Variants in RHOA observed in about 807,000 individuals in gnomAD.
RHOA encodes ras homolog family member A.
A neutral mutation model predicts 17.5 loss-of-function variants in RHOA; 3 were observed. The observed-to-expected ratio is 0.17, with a 90% CI of 0.08 to 0.44. RHOA has a LOEUF of 0.44. Among genes scored for constraint, RHOA ranks in the 20% least tolerant of loss-of-function variants. RHOA has a pLI of 0.99. For missense variants in RHOA, 56 were observed against 242.3 expected (o/e 0.23, Z 5.10); for synonymous variants, 98 against 88.4 (o/e 1.11, Z -0.61).
At chr3:49,362,210 T>C (rs910294158) in intron 4 of RHOA, among the ~76,000 whole-genome samples, 2 of 152,084 alleles carry the variant, frequency 1.3e-5, no homozygotes, top group Non-Finnish European at 1.5e-5. Context: ...TTCCTACATC[T>C]AGAGCCACTG....
chr3:49,403,436 G>A (rs543358410), intron 1 of RHOA, among the ~76,000 whole-genome samples: 24 of 152,206 alleles, frequency 1.6e-4, no homozygotes, highest in Middle Eastern at 6.8e-3. Flanking sequence ...TCAAACTGGC[G>A]GTTTGTGGTG....
intron 3 of RHOA, among the ~76,000 whole-genome samples, chr3:49,364,275 G>A (rs2048018738): frequency 6.6e-6 from 1 of 151,964 alleles, no homozygotes; most frequent in Non-Finnish European, 1.5e-5. Flanking sequence ...ACCTCAGGTC[G>A]GGAGTTGGGA....
chr3:49,359,517 T>A lies in RHOA; in HGVS notation c.*692A>T, dbSNP rs1317644287. ...AAAATGAATTTTCCATCTGACTTTATTTCCAAATACACTTTCTTTTTTAAA... is the reference window on the plus strand; with the variant it reads ...AAAATGAATTTTCCATCTGACTTTAATTCCAAATACACTTTCTTTTTTAAA... On this transcript the variant is annotated 3_prime_UTR_variant, in exon 5 of 5. Coordinates refer to ENST00000418115, the MANE Select transcript of RHOA (RefSeq NM_001664.4). 1.0e-5 allele frequency: 2 copies of A among 199,648 alleles called. No individual in the cohort carries two copies. The highest frequency in any genetic ancestry group is 2.1e-5 in the Non-Finnish European group (2 of 96,652). 12.4% of individuals were successfully genotyped at this position (199,648 alleles called of 1,614,324 possible). A position where few individuals can be genotyped will look rare whatever the true frequency, so the allele number is the denominator to read the frequency against.
In RHOA at chr3:49,369,006, CTTTTTT is replaced by C. The variant is rs1160140765; in HGVS notation, c.157-464_157-459del. Among the ~76,000 whole-genome samples the C allele has an allele frequency of 8.4e-5, 5 of 59,712 alleles. No homozygotes were observed. In the East Asian group the frequency reaches 2.9e-3, roughly 34 times the overall value. The allele number at this position is 59,712 out of a possible 152,430, so 39.2% of individuals were successfully genotyped here. On this transcript the variant is annotated intron_variant, in intron 2 of 4. Coordinates refer to ENST00000418115, the MANE Select transcript of RHOA (RefSeq NM_001664.4). ...GCAGGCGTGACCCACCGCGCCTGGC[CTTTTTT>C]TTTTTTTTTTTTTTTTTTTTTTTTT...
intron 1 of RHOA, among the ~76,000 whole-genome samples, chr3:49,408,613 C>T (rs2048879043): frequency 1.3e-5 from 2 of 152,062 alleles, no homozygotes; most frequent in South Asian, 2.1e-4. Flanking sequence ...AACTTCAAAC[C>T]GTCTTGGAAA....
At chr3:49,360,993 A>C (rs771898456) in intron 4 of RHOA, 1 of 279,214 alleles carries the variant, frequency 3.6e-6, no homozygotes, top group Non-Finnish European at 7.5e-6. Context: ...GAATCGCTTA[A>C]ATCTGGGAGG....
At position 49,359,989 on chromosome 3, in the gene RHOA, G is replaced by A. The variant is rs771941115; in HGVS notation, c.*220C>T. 5 of 474,794 alleles carry A rather than the reference G, an allele frequency of 1.1e-5. No homozygotes were observed. Among genetic ancestry groups the A allele is most frequent in the South Asian group, 3.9e-5 (1 of 25,930 alleles). 29.4% of individuals were successfully genotyped at this position (474,794 alleles called of 1,614,324 possible). ...CTGGTGTGTCAGGTGGGAGTGCAGA[G>A]GAGGGCTGTTAGAGCAGTGTCAAAA... On this transcript the variant is annotated 3_prime_UTR_variant, in exon 5 of 5. Transcript: ENST00000418115.
intron 1 of RHOA, among the ~76,000 whole-genome samples, chr3:49,385,485 G>C (rs928753863): frequency 1.3e-5 from 2 of 152,000 alleles, no homozygotes; most frequent in Non-Finnish European, 2.9e-5. Flanking sequence ...CAAAGTGCTA[G>C]GATTACAGCA....
intron 3 of RHOA, among the ~76,000 whole-genome samples, chr3:49,367,533 C>CTA (rs1273975398): frequency 6.6e-6 from 1 of 151,704 alleles, no homozygotes; most frequent in Non-Finnish European, 1.5e-5. Flanking sequence ...TGGAACTCAT[C>CTA]TAGTTTGCTC....
At chr3:49,403,541 CCT>C (rs2048762446) in intron 1 of RHOA, among the ~76,000 whole-genome samples, 1 of 151,422 alleles carries the variant, frequency 6.6e-6, no homozygotes, top group Non-Finnish European at 1.5e-5. Flanking sequence ...TAGTGAGACC[CCT>C]CTCTCTACAA....
chr3:49,397,510 G>T (rs549545260), intron 1 of RHOA, among the ~76,000 whole-genome samples: 2 of 151,930 alleles, frequency 1.3e-5, no homozygotes, highest in East Asian at 3.9e-4. Flanking sequence ...GTTGGTTTTT[G>T]TTTTTTTAAA....
intron 1 of RHOA, among the ~76,000 whole-genome samples, chr3:49,389,864 G>A (rs1364102381): frequency 1.3e-5 from 2 of 148,600 alleles, no homozygotes; most frequent in African/African-American, 5.0e-5. Flanking sequence ...ATGAACCCAG[G>A]AGGTGGAGCT....
chr3:49,375,995 C>T (rs1056400994), intron 1 of RHOA, among the ~76,000 whole-genome samples: 5 of 151,962 alleles, frequency 3.3e-5, no homozygotes, highest in South Asian at 4.1e-4. Context: ...ATTACAGGCA[C>T]GTACCACCAC....
chr3:49,379,082 A>G (rs1436516774), intron 1 of RHOA, among the ~76,000 whole-genome samples: 1 of 152,212 alleles, frequency 6.6e-6, no homozygotes, highest in East Asian at 1.9e-4. Context: ...TTGTACCTCT[A>G]CATGAATATT....
intron 3 of RHOA, among the ~76,000 whole-genome samples, chr3:49,365,995 A>G (rs1465056863): frequency 6.6e-6 from 1 of 152,116 alleles, no homozygotes; most frequent in Non-Finnish European, 1.5e-5. Context: ...AGGTCGAGGC[A>G]GCAGTAAACT....
chr3:49,378,225 T>C (rs1266954348), intron 1 of RHOA, among the ~76,000 whole-genome samples: 7 of 148,312 alleles, frequency 4.7e-5, no homozygotes, highest in African/African-American at 1.2e-4. Context: ...GTACGCTATT[T>C]ATCTATCCAT....
At chr3:49,407,695 A>C (rs2048858022) in intron 1 of RHOA, among the ~76,000 whole-genome samples, 1 of 152,076 alleles carries the variant, frequency 6.6e-6, no homozygotes, top group South Asian at 2.1e-4. Flanking sequence ...TAATCTCAGA[A>C]CAAATCCAAA....
intron 1 of RHOA, among the ~76,000 whole-genome samples, chr3:49,398,986 C>T (rs1428633583): frequency 7.3e-6 from 1 of 136,772 alleles, no homozygotes; most frequent in African/African-American, 2.7e-5. Flanking sequence ...CCTCGGGAGG[C>T]AGAGGTTGCA....
intron 1 of RHOA, among the ~76,000 whole-genome samples, chr3:49,392,083 C>A (rs1400603040): frequency 6.6e-6 from 1 of 151,812 alleles, no homozygotes; most frequent in Non-Finnish European, 1.5e-5. Flanking sequence ...AGCCTCAGCC[C>A]CCGCAAAGTG....
Sources: allele counts gnomAD v4.1 joint callset (sites outside exome capture counted in the v4.1 genomes callset), GRCh38; gene constraint gnomAD v4.1.1; transcripts MANE v1.5; gene names NCBI Gene and HGNC (gene_info 2026-07-23, HGNC 2026-07-21).